ADAMTSL3: variants seen among roughly 807,000 people sequenced by gnomAD.
ADAMTSL3 encodes ADAMTS like 3.
ADAMTSL3 carries 128 observed loss-of-function variants against 201.7 expected under a neutral mutation model. The observed-to-expected ratio is 0.63, with a 90% CI of 0.55 to 0.73. ADAMTSL3 has a LOEUF of 0.73. Among genes scored for constraint, ADAMTSL3 ranks in the 30% least tolerant of loss-of-function variants. ADAMTSL3 has a pLI of 0.00. For missense variants in ADAMTSL3, 1,990 were observed against 2,119.6 expected, an observed-to-expected ratio of 0.94 and a Z score of 1.20; for synonymous variants, 738 against 748.4, an observed-to-expected ratio of 0.99 and a Z score of 0.23.
At chr15:84,037,661 A>G (rs766423226) in intron 29 of ADAMTSL3, 39 bp from the exon 30 acceptor site, 2 of 1,548,850 alleles carry the variant, frequency 1.3e-6, no homozygotes, top group South Asian at 1.3e-5. Context: ...TAGGTCTCTA[A>G]TAAGCTATAT....
chr15:83,674,187 C>T (rs74501551), intron 2 of ADAMTSL3, among the ~76,000 whole-genome samples: 1,671 of 150,964 alleles, frequency 0.011, 21 homozygotes, highest in Non-Finnish European at 0.017. Flanking sequence ...AAGATTTTCT[C>T]CTATGTTTTC....
At chr15:83,821,357 G>A (rs1596267436) in intron 6 of ADAMTSL3, among the ~76,000 whole-genome samples, 3 of 150,468 alleles carry the variant, frequency 2.0e-5, no homozygotes, top group African/African-American at 7.3e-5. Context: ...GTGAACAAAG[G>A]TCTCTGGTTT....
chr15:83,880,841 A>G (rs1186408423), intron 9 of ADAMTSL3, among the ~76,000 whole-genome samples: 2 of 152,220 alleles, frequency 1.3e-5, no homozygotes, highest in Non-Finnish European at 2.9e-5. Context: ...GTAATGGTGT[A>G]CTTAAGTTTT....
At chr15:83,669,156 A>AT (rs999504341) in intron 2 of ADAMTSL3, among the ~76,000 whole-genome samples, 6 of 151,978 alleles carry the variant, frequency 3.9e-5, no homozygotes, top group African/African-American at 1.4e-4. Context: ...GTATTTATTT[A>AT]TTTTTTTTAG....
Position 83,891,892 on chromosome 15 carries a change from T to C in ADAMTSL3, c.1262+513T>C, listed in dbSNP as rs1393410226. ...CCCGGATGTGAGGAGCTAAGTACCT[T>C]GTGACAAGAATTTGTGTGTGGCAGT... On this transcript the variant is annotated intron_variant, in intron 12 of 29. Coordinates refer to ENST00000286744, the MANE Select transcript of ADAMTSL3 (RefSeq NM_207517.3). 2.0e-5 allele frequency among the ~76,000 whole-genome samples: 3 copies of C among 152,324 alleles called. No homozygotes were observed. The East Asian group carries it at 5.8e-4, about 29-fold the overall frequency.
At chr15:83,880,612 A>T (rs2065251258) in intron 9 of ADAMTSL3, among the ~76,000 whole-genome samples, 1 of 152,206 alleles carries the variant, frequency 6.6e-6, no homozygotes, top group Non-Finnish European at 1.5e-5. Context: ...TTTTATTCCT[A>T]GAATTTCCAT....
At position 84,002,940 on chromosome 15, in the gene ADAMTSL3, T is replaced by C. The variant is rs531014979; in HGVS notation, c.3974-11602T>C. 2.0e-3 allele frequency among the ~76,000 whole-genome samples: 269 copies of C among 135,036 alleles called. 1 individual carries two copies. Among genetic ancestry groups the C allele is most frequent in the Admixed American group, 2.8e-3 (38 of 13,512 alleles). The allele number at this position is 135,036 out of a possible 152,430, so 88.6% of individuals were successfully genotyped here. ...TTCTTTCTTTTCTTTTCTTTTCTTTTTTTTTTTTTTTTTTTGGCTTAGAGA... is the reference window on the plus strand; with the variant it reads ...TTCTTTCTTTTCTTTTCTTTTCTTTCTTTTTTTTTTTTTTTGGCTTAGAGA... On this transcript the variant is annotated intron_variant, in intron 23 of 29. Transcript: ENST00000286744.
At chr15:83,753,270 T>A (rs951425238) in intron 3 of ADAMTSL3, among the ~76,000 whole-genome samples, 4 of 152,216 alleles carry the variant, frequency 2.6e-5, no homozygotes, top group Admixed American at 6.5e-5. Context: ...GATTTTGCTC[T>A]CAGCTTTTCA....
At chr15:83,809,955 GC>G (rs2063666817) in intron 5 of ADAMTSL3, among the ~76,000 whole-genome samples, 1 of 151,886 alleles carries the variant, frequency 6.6e-6, no homozygotes, top group Admixed American at 6.6e-5. Flanking sequence ...TGGTGGGTAG[GC>G]CCCCGAGTTC....
intron 17 of ADAMTSL3, among the ~76,000 whole-genome samples, chr15:83,924,938 T>A (rs912922833): frequency 6.6e-6 from 1 of 152,252 alleles, no homozygotes; most frequent in East Asian, 1.9e-4. Context: ...AAGCAAGTTC[T>A]GCTATGTTTA....
At chr15:83,744,302 C>T (rs1185108696) in intron 3 of ADAMTSL3, among the ~76,000 whole-genome samples, 2 of 152,072 alleles carry the variant, frequency 1.3e-5, no homozygotes, top group Non-Finnish European at 2.9e-5. Context: ...GCCAAAGACA[C>T]CAAAAAATAT....
chr15:83,962,609 C>T (rs2066993446), intron 19 of ADAMTSL3: 1 of 152,150 alleles, frequency 6.6e-6, no homozygotes, highest in South Asian at 2.1e-4. Flanking sequence ...TATTACTATT[C>T]ATGTTACTCT....
At chr15:83,667,875 C>G (rs2061270768) in intron 2 of ADAMTSL3, among the ~76,000 whole-genome samples, 1 of 152,048 alleles carries the variant, frequency 6.6e-6, no homozygotes, top group South Asian at 2.1e-4. Context: ...AAGAGCAACC[C>G]TTTCCATAAC....
At chr15:83,673,574 G>A (rs2061355448) in intron 2 of ADAMTSL3, among the ~76,000 whole-genome samples, 1 of 152,104 alleles carries the variant, frequency 6.6e-6, no homozygotes, top group Non-Finnish European at 1.5e-5. Flanking sequence ...TGCTTCATTG[G>A]CCAGCCCTGG....
chr15:83,911,718 T>C (rs1203755327), intron 15 of ADAMTSL3, among the ~76,000 whole-genome samples: 2 of 152,186 alleles, frequency 1.3e-5, no homozygotes, highest in African/African-American at 4.8e-5. Context: ...GGGGGTGTGC[T>C]TTTTTGGACA....
chr15:83,887,735 A>G (rs2065424350), intron 10 of ADAMTSL3, among the ~76,000 whole-genome samples: 1 of 152,094 alleles, frequency 6.6e-6, no homozygotes, highest in African/African-American at 2.4e-5. Context: ...AACTACAGGC[A>G]TGTGCCACCA....
chr15:83,974,033 A>G (rs975943547), intron 20 of ADAMTSL3, among the ~76,000 whole-genome samples: 34 of 152,160 alleles, frequency 2.2e-4, no homozygotes, highest in African/African-American at 7.5e-4. Flanking sequence ...AGCATACCCT[A>G]TAGTCCAATG....
chr15:83,670,103 C>T (rs1388692140), intron 2 of ADAMTSL3, among the ~76,000 whole-genome samples: 1 of 151,284 alleles, frequency 6.6e-6, no homozygotes, highest in African/African-American at 2.4e-5. Flanking sequence ...ACTAAAAATA[C>T]AAAAATTAGC....
chr15:83,736,314 A>G (rs529119066), intron 3 of ADAMTSL3, among the ~76,000 whole-genome samples: 1 of 152,334 alleles, frequency 6.6e-6, no homozygotes, highest in African/African-American at 2.4e-5. Flanking sequence ...CATTTTTAAG[A>G]ATTTAAGACA....
Sources: allele counts gnomAD v4.1 joint callset (sites outside exome capture counted in the v4.1 genomes callset), GRCh38; gene constraint gnomAD v4.1.1; transcripts MANE v1.5; gene names NCBI Gene and HGNC (gene_info 2026-07-23, HGNC 2026-07-21).